The following CHN1 variants were observed in gnomAD, a reference collection of about 807,000 sequenced individuals.
CHN1 encodes the protein N-chimaerin.
CHN1 carries 37 observed loss-of-function variants against 59.5 expected under a neutral mutation model. The observed-to-expected ratio is 0.62, with a 90% confidence interval of 0.48 to 0.82. The LOEUF (loss-of-function observed/expected upper bound fraction) is 0.82, where lower values mean the gene tolerates loss of function less well. CHN1 is among the 40% of genes least tolerant of loss of function. The pLI is 0.00. For missense variants in CHN1, 469 were observed against 571.0 expected, an observed-to-expected ratio of 0.82 and a Z score of 1.82; for synonymous variants, 206 against 200.4, an observed-to-expected ratio of 1.03 and a Z score of -0.24.
intron 3 of CHN1, among the ~76,000 whole-genome samples, chr2:174,935,823 C>T (rs1689481263): frequency 6.6e-6 from 1 of 152,182 alleles, no homozygotes; most frequent in African/African-American, 2.4e-5. Flanking sequence ...GTCCCAGCTA[C>T]TCAGGAGGCT....
chr2:174,957,766 C>T (rs1031927405), intron 1 of CHN1, among the ~76,000 whole-genome samples: 1 of 151,888 alleles, frequency 6.6e-6, no homozygotes, highest in Non-Finnish European at 1.5e-5. Context: ...GAGACTGGGA[C>T]CCTATCTAGT....
chr2:174,808,049 CAAAT>C (rs1244042372), intron 11 of CHN1, among the ~76,000 whole-genome samples: 5 of 152,148 alleles, frequency 3.3e-5, no homozygotes, highest in African/African-American at 1.2e-4. Context: ...TGAACTTTGA[CAAAT>C]AAACCTTTGC....
intron 10 of CHN1, 77 bp downstream of exon 10, chr2:174,811,434 A>G (rs1423781662): frequency 1.0e-6 from 1 of 952,506 alleles, no homozygotes; most frequent in Non-Finnish European, 1.6e-6. Context: ...TAATGCAAAA[A>G]ATACCTCACA....
At chr2:174,996,019 G>A (rs973428612) in intron 1 of CHN1, among the ~76,000 whole-genome samples, 4 of 142,644 alleles carry the variant, frequency 2.8e-5, no homozygotes, top group East Asian at 2.0e-4. Context: ...TTTTGCCATC[G>A]CTATGTTTGT....
At chr2:174,935,543 G>GA (rs1689472691) in intron 3 of CHN1, among the ~76,000 whole-genome samples, 1 of 152,172 alleles carries the variant, frequency 6.6e-6, no homozygotes, top group African/African-American at 2.4e-5. Context: ...CCTAGGTGCT[G>GA]AACATAATCT....
intron 1 of CHN1, among the ~76,000 whole-genome samples, chr2:174,979,344 G>A (rs1691060466): frequency 6.6e-6 from 1 of 152,122 alleles, no homozygotes; most frequent in Non-Finnish European, 1.5e-5. Flanking sequence ...CTCAGCAATG[G>A]AAGGTTTTCT....
Position 174,878,090 on chromosome 2 carries a change from T to C in CHN1, c.299A>G (p.Asp100Gly), listed in dbSNP as rs762764124. The change falls in exon 6 of 13, where the codon GAT becomes GGT. Residue 100 changes from aspartate to glycine, a missense_variant. Physicochemically the swap from Asp to Gly is moderately conservative, Grantham distance 94. Coordinates refer to ENST00000409900, the MANE Select transcript of CHN1 (RefSeq NM_001822.7). ...SQTRNFRLYY[D>G]GKHFVGEKRF... ...TTTCTCCCCAACAAAGTGCTTGCCA[T>C]CGTAGTAGAGCCTGAAGTTTCTGGT... 5 of 1,601,274 alleles carry C rather than the reference T, an allele frequency of 3.1e-6. No homozygotes were observed. Among genetic ancestry groups the C allele is most frequent in the Non-Finnish European group, 4.3e-6 (5 of 1,171,936 alleles).
At chr2:174,833,521 C>T (rs1025574630) in intron 7 of CHN1, among the ~76,000 whole-genome samples, 1 of 152,074 alleles carries the variant, frequency 6.6e-6, no homozygotes, top group Non-Finnish European at 1.5e-5. Flanking sequence ...TCTCTGTGCC[C>T]TTTATATTTA....
chr2:174,847,835 T>C (rs1574085144), intron 6 of CHN1: 1 of 446,986 alleles, frequency 2.2e-6, no homozygotes, highest in Non-Finnish European at 4.1e-6. Flanking sequence ...GAATGAGTCA[T>C]GCATTATTGC....
chr2:174,927,430 G>A (rs1689207706), intron 3 of CHN1, among the ~76,000 whole-genome samples: 1 of 152,038 alleles, frequency 6.6e-6, no homozygotes, highest in Admixed American at 6.6e-5. Flanking sequence ...TCTACTTCTT[G>A]TATCTTATTT....
chr2:174,877,756 T>C, intron 6 of CHN1, 84 bp downstream of exon 6: 8 of 1,269,642 alleles, frequency 6.3e-6, no homozygotes, highest in Non-Finnish European at 8.7e-6. Flanking sequence ...GCACTGTGGA[T>C]AAATCAATCT....
intron 7 of CHN1, among the ~76,000 whole-genome samples, chr2:174,841,735 AC>A (rs1686309527): frequency 6.6e-6 from 1 of 152,182 alleles, no homozygotes; most frequent in African/African-American, 2.4e-5. Context: ...GGAATAATTC[AC>A]ATTATTCCTT....
chr2:174,862,619 C>T (rs1687104829), intron 6 of CHN1, among the ~76,000 whole-genome samples: 1 of 152,172 alleles, frequency 6.6e-6, no homozygotes, highest in South Asian at 2.1e-4. Context: ...GCGTGAGCCA[C>T]TGCGCCTGGC....
intron 8 of CHN1, among the ~76,000 whole-genome samples, chr2:174,817,778 C>T (rs1194316268): frequency 2.0e-5 from 3 of 152,050 alleles, no homozygotes; most frequent in African/African-American, 7.3e-5. Flanking sequence ...GCTGGGACTA[C>T]AGGCGCCCGC....
chr2:174,806,542 C>T (rs982340723), intron 11 of CHN1, among the ~76,000 whole-genome samples: 6 of 152,162 alleles, frequency 3.9e-5, no homozygotes, highest in African/African-American at 7.2e-5. Context: ...ATTCCCTGTT[C>T]TATCAAGTGA....
intron 5 of CHN1, among the ~76,000 whole-genome samples, chr2:174,902,069 C>T (rs1423863842): frequency 6.6e-6 from 1 of 152,124 alleles, no homozygotes; most frequent in African/African-American, 2.4e-5. Flanking sequence ...ACAGTTTTAA[C>T]AGTGATTATT....
chr2:174,847,243 A>C, intron 6 of CHN1: 1 of 1,411,212 alleles, frequency 7.1e-7, no homozygotes, highest in East Asian at 2.5e-5. Flanking sequence ...ACCTACAGAG[A>C]GCTGCAGAGA....
intron 3 of CHN1, 89 bp from the exon 4 acceptor site, chr2:174,918,654 G>C: frequency 9.5e-7 from 1 of 1,057,304 alleles, no homozygotes; most frequent in Non-Finnish European, 1.4e-6. Flanking sequence ...ACAAAGTAAA[G>C]CATATATTAA....
At chr2:174,927,359 A>G (rs2105383419) in intron 3 of CHN1, among the ~76,000 whole-genome samples, 1 of 152,240 alleles carries the variant, frequency 6.6e-6, no homozygotes, top group Admixed American at 6.5e-5. Context: ...TGCTGGGCCT[A>G]TTTTCCTCAT....
Sources: gnomAD v4.1 joint callset for allele counts (sites outside exome capture counted in the v4.1 genomes callset) on GRCh38, gnomAD v4.1.1 for gene constraint, MANE v1.5 for transcripts, NCBI Gene and HGNC (gene_info 2026-07-23, HGNC 2026-07-21) for gene names.